Variants in MAGI2 observed in about 807,000 individuals in gnomAD.
MAGI2 encodes the protein membrane-associated guanylate kinase, WW and PDZ domain-containing protein 2.
In MAGI2, 35 loss-of-function variants were observed where a neutral mutation model predicts 133.3. The observed-to-expected ratio is 0.26, with a 90% CI of 0.20 to 0.35. The LOEUF is 0.35. Among genes scored for constraint, MAGI2 ranks in the 10% least tolerant of loss-of-function variants. The pLI is 1.00. For missense variants in MAGI2, 1,636 were observed against 1,863.4 expected (o/e 0.88, Z 2.25); for synonymous variants, 729 against 710.6 (o/e 1.03, Z -0.41).
chr7:78,366,426 A>G (rs1281126559), intron 7 of MAGI2, among the ~76,000 whole-genome samples: 1 of 152,140 alleles, frequency 6.6e-6, no homozygotes, highest in Non-Finnish European at 1.5e-5. Context: ...TCTTCCAACA[A>G]AAACACTCTA....
intron 2 of MAGI2, among the ~76,000 whole-genome samples, chr7:78,961,863 T>G (rs1802872832): frequency 3.3e-5 from 5 of 151,942 alleles, no homozygotes; most frequent in African/African-American, 1.2e-4. Flanking sequence ...ACCTAGATGG[T>G]ATAGCCTACT....
At chr7:78,836,561 A>AAAGCT (rs1157765776) in intron 2 of MAGI2, among the ~76,000 whole-genome samples, 8 of 152,216 alleles carry the variant, frequency 5.3e-5, no homozygotes, top group Non-Finnish European at 1.0e-4. Context: ...ACATAATCAT[A>AAAGCT]AAGCTATTTT....
intron 2 of MAGI2, among the ~76,000 whole-genome samples, chr7:78,754,934 T>C (rs1445823975): frequency 6.6e-6 from 1 of 152,256 alleles, no homozygotes; most frequent in East Asian, 1.9e-4. Flanking sequence ...CCAAGTTATC[T>C]GCTTTAATGT....
At chr7:78,876,103 A>G (rs1279452675) in intron 2 of MAGI2, among the ~76,000 whole-genome samples, 1 of 152,036 alleles carries the variant, frequency 6.6e-6, no homozygotes, top group African/African-American at 2.4e-5. Flanking sequence ...CAGGTGGATC[A>G]CAAGGTCAGG....
intron 2 of MAGI2, among the ~76,000 whole-genome samples, chr7:78,691,824 T>A (rs2151123851): frequency 6.6e-6 from 1 of 152,300 alleles, no homozygotes; most frequent in Admixed American, 6.5e-5. Flanking sequence ...ACTATAATGC[T>A]GGATACATGT....
At chr7:78,178,610 AG>A (rs1270780175) in intron 13 of MAGI2, among the ~76,000 whole-genome samples, 5 of 144,984 alleles carry the variant, frequency 3.4e-5, no homozygotes, top group South Asian at 4.3e-4. Context: ...GTGTGTGTGT[AG>A]GGTATAAACG....
intron 2 of MAGI2, among the ~76,000 whole-genome samples, chr7:78,653,714 G>C (rs779293189): frequency 6.0e-5 from 9 of 150,620 alleles, no homozygotes; most frequent in Non-Finnish European, 1.2e-4. Context: ...ACCATGGCAT[G>C]TGTACACCTA....
intron 1 of MAGI2, among the ~76,000 whole-genome samples, chr7:79,263,126 A>G (rs546312914): frequency 6.7e-4 from 102 of 152,302 alleles, no homozygotes; most frequent in African/African-American, 2.4e-3. Context: ...CATAAAAACA[A>G]CAATAATAAC....
chr7:79,412,586 T>TTC (rs1846218109), intron 1 of MAGI2: 1 of 152,194 alleles, frequency 6.6e-6, no homozygotes, highest in Non-Finnish European at 1.5e-5. Context: ...GAAGCTCCCT[T>TTC]TCTTTGTCCT....
At chr7:78,074,058 C>T (rs1048187018) in intron 21 of MAGI2, among the ~76,000 whole-genome samples, 2 of 152,146 alleles carry the variant, frequency 1.3e-5, no homozygotes, top group African/African-American at 4.8e-5. Context: ...TCCTTCAAAG[C>T]CCTTATCATT....
intron 1 of MAGI2, among the ~76,000 whole-genome samples, chr7:79,400,560 TA>T (rs1330491070): frequency 1.6e-4 from 25 of 152,308 alleles, no homozygotes; most frequent in Non-Finnish European, 2.6e-4. Context: ...CAGAATTCCC[TA>T]AATGCAAACT....
chr7:79,175,692 C>T (rs1014779425), intron 1 of MAGI2, among the ~76,000 whole-genome samples: 4 of 152,000 alleles, frequency 2.6e-5, no homozygotes, highest in African/African-American at 9.7e-5. Flanking sequence ...TAGCCTATTG[C>T]TCCTAAGCTA....
At chr7:78,511,230 A>C (rs1164667081) in intron 4 of MAGI2, among the ~76,000 whole-genome samples, 1 of 152,094 alleles carries the variant, frequency 6.6e-6, no homozygotes, top group Non-Finnish European at 1.5e-5. Flanking sequence ...ATGGGAAATT[A>C]TGATTATTTT....
At chr7:79,381,706 G>A (rs1207454656) in intron 1 of MAGI2, among the ~76,000 whole-genome samples, 1 of 151,668 alleles carries the variant, frequency 6.6e-6, no homozygotes, top group South Asian at 2.1e-4. Context: ...GTAAAATGAA[G>A]GTAGAGGTGA....
At chr7:79,020,765 T>TAAAAAA (rs3069467) in intron 1 of MAGI2, among the ~76,000 whole-genome samples, 3 of 139,150 alleles carry the variant, frequency 2.2e-5, no homozygotes, top group Non-Finnish European at 3.1e-5. Context: ...GACTCTGTCT[T>TAAAAAA]AAAAAAAAAA....
At chr7:79,429,930 C>T (rs117681442) in intron 1 of MAGI2, among the ~76,000 whole-genome samples, 106 of 151,970 alleles carry the variant, frequency 7.0e-4, no homozygotes, top group Non-Finnish European at 1.2e-3. Flanking sequence ...CTTAAAATTC[C>T]AGTCACTTAA....
At chr7:79,430,225 T>C (rs1435964567) in intron 1 of MAGI2, among the ~76,000 whole-genome samples, 2 of 152,174 alleles carry the variant, frequency 1.3e-5, no homozygotes, top group Admixed American at 1.3e-4. Context: ...TATTTAGTTA[T>C]TTCTTTACTT....
intron 1 of MAGI2, among the ~76,000 whole-genome samples, chr7:79,119,809 G>A (rs1291543490): frequency 6.6e-6 from 1 of 152,000 alleles, no homozygotes; most frequent in African/African-American, 2.4e-5. Flanking sequence ...TATTTATAAT[G>A]TATTATGGTG....
chr7:78,643,914 G>A (rs912993168), intron 2 of MAGI2, among the ~76,000 whole-genome samples: 12 of 151,880 alleles, frequency 7.9e-5, no homozygotes, highest in Non-Finnish European at 1.5e-5. Flanking sequence ...ATTTAAAAGA[G>A]CAAAACTCAC....
Sources: gnomAD v4.1 joint callset for allele counts (sites outside exome capture counted in the v4.1 genomes callset) on GRCh38, gnomAD v4.1.1 for gene constraint, MANE v1.5 for transcripts, NCBI Gene and HGNC (gene_info 2026-07-23, HGNC 2026-07-21) for gene names.